The following LTBP1 variants were observed in gnomAD, a reference collection of about 807,000 sequenced individuals.
LTBP1 encodes the protein latent-transforming growth factor beta-binding protein 1.
LTBP1 carries 129 observed loss-of-function variants against 207.6 expected under a neutral mutation model. The observed-to-expected ratio is 0.62, with a 90% CI of 0.54 to 0.72. LTBP1 has a LOEUF of 0.72. Among genes scored for constraint, LTBP1 ranks in the 30% least tolerant of loss-of-function variants. The pLI, the probability that LTBP1 is intolerant of heterozygous loss-of-function variation, is 0.00. For synonymous variants in LTBP1, 963 were observed against 833.7 expected (o/e 1.16, Z -2.67); for missense variants, 2,281 against 2,217.2 (o/e 1.03, Z -0.58).
chr2:33,110,968 G>A (rs979489921), intron 4 of LTBP1, among the ~76,000 whole-genome samples: 5 of 152,118 alleles, frequency 3.3e-5, no homozygotes, highest in African/African-American at 4.8e-5. Context: ...AAATGAATCC[G>A]AAGTGACCTG....
At chr2:32,992,776 G>A (rs1684621460) in intron 2 of LTBP1, among the ~76,000 whole-genome samples, 1 of 152,140 alleles carries the variant, frequency 6.6e-6, no homozygotes, top group Admixed American at 6.6e-5. Context: ...GCCTCAGGAG[G>A]AGATCCTGCA....
At chr2:33,252,898 G>T in intron 11 of LTBP1, 54 bp downstream of exon 11, 1 of 1,431,936 alleles carries the variant, frequency 7.0e-7, no homozygotes. Context: ...ATGAGTACAC[G>T]GGACAACTTT....
chr2:33,195,866 C>T (rs2088489865), intron 7 of LTBP1, among the ~76,000 whole-genome samples: 10 of 152,170 alleles, frequency 6.6e-5, no homozygotes, highest in Admixed American at 6.5e-4. Flanking sequence ...GAAATTGCCA[C>T]AGCCACCCCA....
At chr2:33,276,020 G>C (rs2093419706) in intron 18 of LTBP1, 97 bp downstream of exon 18, 1 of 1,418,546 alleles carries the variant, frequency 7.0e-7, no homozygotes, top group African/African-American at 1.5e-5. Context: ...CTCAGTGCGT[G>C]ACACCAGTTT....
intron 3 of LTBP1, among the ~76,000 whole-genome samples, chr2:33,063,450 A>G (rs1449046629): frequency 1.3e-5 from 2 of 152,198 alleles, no homozygotes; most frequent in Non-Finnish European, 1.5e-5. Context: ...CATTAATGGT[A>G]TTTGCAAAAG....
intron 22 of LTBP1, 121 bp from the exon 23 acceptor site, chr2:33,309,313 T>G: frequency 1.6e-6 from 1 of 619,060 alleles, no homozygotes; most frequent in Non-Finnish European, 2.5e-6. Context: ...AAAGTTGTCA[T>G]GTATTTAAAA....
chr2:33,091,387 C>T (rs1427176348), intron 3 of LTBP1, among the ~76,000 whole-genome samples: 4 of 152,012 alleles, frequency 2.6e-5, no homozygotes, highest in African/African-American at 9.7e-5. Flanking sequence ...TCTGGTCTCT[C>T]TCTGTTTTAA....
chr2:32,997,757 G>T (rs546793612), intron 2 of LTBP1, among the ~76,000 whole-genome samples: 1 of 152,282 alleles, frequency 6.6e-6, no homozygotes, highest in South Asian at 2.1e-4. Context: ...GCTTAGCTTT[G>T]CTCTAGTTTT....
At chr2:33,109,983 G>T (rs993882985) in intron 3 of LTBP1, among the ~76,000 whole-genome samples, 1 of 152,126 alleles carries the variant, frequency 6.6e-6, no homozygotes, top group Non-Finnish European at 1.5e-5. Context: ...TACAACATGG[G>T]GATTTCTTGC....
chr2:33,158,879 C>T (rs907278163), intron 5 of LTBP1, among the ~76,000 whole-genome samples: 1 of 152,178 alleles, frequency 6.6e-6, no homozygotes, highest in Non-Finnish European at 1.5e-5. Flanking sequence ...CAAAAAAGTT[C>T]AAAATGATGC....
At chr2:33,073,037 C>T (rs2077881152) in intron 3 of LTBP1, among the ~76,000 whole-genome samples, 1 of 152,176 alleles carries the variant, frequency 6.6e-6, no homozygotes, top group Admixed American at 6.5e-5. Context: ...GCAACGTGAC[C>T]ACTGAACATG....
intron 26 of LTBP1, among the ~76,000 whole-genome samples, chr2:33,358,399 A>G (rs1297855305): frequency 6.6e-6 from 1 of 151,788 alleles, no homozygotes; most frequent in Non-Finnish European, 1.5e-5. Context: ...GTCTATATAT[A>G]TGTGTGTGTG....
At chr2:33,198,519 A>C (rs1319120968) in intron 7 of LTBP1, among the ~76,000 whole-genome samples, 1 of 152,154 alleles carries the variant, frequency 6.6e-6, no homozygotes, top group Non-Finnish European at 1.5e-5. Context: ...CTGTGAATCC[A>C]TCTGGTCCTG....
chr2:33,254,955 T>G (rs1235883775), intron 11 of LTBP1, among the ~76,000 whole-genome samples: 2 of 144,864 alleles, frequency 1.4e-5, no homozygotes, highest in East Asian at 4.0e-4. Flanking sequence ...ACTTTAAGTT[T>G]TAGGGTACAT....
intron 9 of LTBP1, among the ~76,000 whole-genome samples, chr2:33,243,419 A>T (rs1374437912): frequency 6.6e-6 from 1 of 152,200 alleles, no homozygotes; most frequent in African/African-American, 2.4e-5. Context: ...AATTTTTATC[A>T]GTTTTTTTCA....
intron 5 of LTBP1, among the ~76,000 whole-genome samples, chr2:33,142,075 G>A (rs910063750): frequency 6.6e-6 from 1 of 151,882 alleles, no homozygotes; most frequent in African/African-American, 2.4e-5. Context: ...TTTTTTAGAC[G>A]GAGTCTAACT....
At chr2:33,288,153 G>A (rs2093701145) in intron 19 of LTBP1, among the ~76,000 whole-genome samples, 2 of 152,160 alleles carry the variant, frequency 1.3e-5, no homozygotes, top group South Asian at 4.1e-4. Context: ...GAAATAATTG[G>A]CTATGTTGAC....
At chr2:33,334,079 G>A (rs770370875) in intron 24 of LTBP1, among the ~76,000 whole-genome samples, 4 of 152,154 alleles carry the variant, frequency 2.6e-5, no homozygotes, top group Non-Finnish European at 5.9e-5. Context: ...GAATCCTTTG[G>A]GTTTTACAAA....
At chr2:33,175,252 T>G (rs1399583649) in intron 5 of LTBP1, among the ~76,000 whole-genome samples, 4 of 151,662 alleles carry the variant, frequency 2.6e-5, no homozygotes, top group African/African-American at 9.7e-5. Flanking sequence ...TTTTGCAACC[T>G]ACTCATCTGA....
Sources: gnomAD v4.1 joint callset for allele counts (sites outside exome capture counted in the v4.1 genomes callset) on GRCh38, gnomAD v4.1.1 for gene constraint, MANE v1.5 for transcripts, NCBI Gene and HGNC (gene_info 2026-07-23, HGNC 2026-07-21) for gene names.